RFC4: variants seen among roughly 807,000 people sequenced by gnomAD.
The protein encoded by RFC4 is A1 37 kDa subunit.
Under a neutral mutation model 47.6 loss-of-function variants are expected in RFC4, and 38 were observed. The observed-to-expected ratio is 0.80, with a 90% CI of 0.62 to 1.05. The LOEUF (loss-of-function observed/expected upper bound fraction) is 1.05. Among genes scored for constraint, RFC4 ranks in the 50% least tolerant of loss-of-function variants. RFC4 has a pLI of 0.00. For synonymous variants in RFC4, 164 were observed against 150.0 expected, an observed-to-expected ratio of 1.09 and a Z score of -0.68; for missense variants, 489 against 434.0, an observed-to-expected ratio of 1.13 and a Z score of -1.13.
intron 3 of RFC4, among the ~76,000 whole-genome samples, chr3:186,799,184 C>G (rs73886089): frequency 6.6e-6 from 1 of 152,040 alleles, no homozygotes; most frequent in South Asian, 2.1e-4. Context: ...AATTATTAAA[C>G]CTTAATTATA....
chr3:186,797,591 T>C lies in RFC4; in HGVS notation c.234A>G (p.Gly78=). The C allele has an allele frequency of 1.2e-6, 2 of 1,610,580 alleles. No homozygotes were observed. Among genetic ancestry groups the C allele is most frequent in the Middle Eastern group, 1.7e-4 (1 of 6,044 alleles). ...GADLPNLLFY[G]PPGTGKTSTI... is the part of the protein sequence containing the mutation. ...TGGATGTTTTTCCAGTTCCAGGTGGTCCGTAAAACAAGAGATTAGGAAGCT... is the reference window on the plus strand; with the variant it reads ...TGGATGTTTTTCCAGTTCCAGGTGGCCCGTAAAACAAGAGATTAGGAAGCT... The change falls in exon 4 of 11, where the codon GGA becomes GGG. Residue 78 remains glycine, a synonymous_variant. Transcript: ENST00000296273.
chr3:186,791,095 T>C (rs1194535561), intron 8 of RFC4, among the ~76,000 whole-genome samples: 1 of 152,248 alleles, frequency 6.6e-6, no homozygotes, highest in Non-Finnish European at 1.5e-5. Context: ...AAGTTGGATA[T>C]GCCTTTTGTT....
chr3:186,802,957 G>A (rs1722391684), intron 2 of RFC4, among the ~76,000 whole-genome samples: 1 of 152,090 alleles, frequency 6.6e-6, no homozygotes, highest in Admixed American at 6.5e-5. Context: ...TGCCCCCAGT[G>A]TTGCCTGATC....
At chr3:186,791,399 G>A in intron 8 of RFC4, 1 of 281,612 alleles carries the variant, frequency 3.6e-6, no homozygotes, top group East Asian at 8.2e-5. Context: ...TGAGGCGGGA[G>A]GTGGAGGTTG....
chr3:186,798,294 C>A (rs1722282892), intron 3 of RFC4, among the ~76,000 whole-genome samples: 1 of 152,080 alleles, frequency 6.6e-6, no homozygotes, highest in African/African-American at 2.4e-5. Context: ...AGTTTGGCTC[C>A]TATCAAGCAG....
rs1189134145 is a variant in RFC4, at chr3:186,796,607, G to A, written c.290+928C>T. On this transcript the variant is annotated intron_variant, in intron 4 of 10. Transcript: ENST00000296273. The surrounding 1 kb of genome is among the most constrained non-coding windows in gnomAD (Gnocchi z 4.2). ...TGATTCTCCTGCCTCAGCCTGCCGA[G>A]TAGCTGGGACTACAGGTGCATGCCA... Among the ~76,000 whole-genome samples, 1 of 152,132 alleles carries A rather than the reference G, an allele frequency of 6.6e-6. No homozygotes were observed. The highest frequency in any genetic ancestry group is 1.5e-5 in the Non-Finnish European group (1 of 68,016).
rs1338474960 is a variant in RFC4 at position 186,804,664 on chromosome 3, G to A, written c.50C>T (p.Thr17Ile). 6.2e-7 allele frequency: 1 copy of A among 1,613,934 alleles called. No individual in the cohort carries two copies. Among genetic ancestry groups the A allele is most frequent in the African/African-American group, 1.3e-5 (1 of 74,868 alleles). ...ACTGGCAGCTACTCCTCGATCCTTG[G>A]TCAGCGGGGGTTTAGTACTGATGGA... Reference protein sequence around the residue: ...GTSISTKPPLTKDRGVAASAG... With the variant: ...GTSISTKPPLIKDRGVAASAG... Residue 17 changes from threonine to isoleucine, a missense_variant, in exon 2 of 11, where the codon ACC (threonine) becomes ATC (isoleucine). Physicochemically the swap from Thr to Ile is moderately conservative, Grantham distance 89 (BLOSUM62 -1). Around this residue, in one of 2 missense-constraint regions of RFC4, gnomAD observed 206 missense variants for 257.8 expected, o/e 0.80. Transcript: ENST00000296273.
chr3:186,791,554 G>C (rs1722136291), intron 8 of RFC4, 171 bp downstream of exon 8: 2 of 659,258 alleles, frequency 3.0e-6, no homozygotes, highest in East Asian at 2.8e-5. Flanking sequence ...AAACTGAAAA[G>C]TCAGTGCTAT....
At position 186,790,414 on chromosome 3, in the gene RFC4, A is replaced by AT. The variant is rs1722074230; in HGVS notation, c.802-9dup. 3 of 1,597,620 alleles carry AT rather than the reference A, an allele frequency of 1.9e-6. No homozygotes were observed. The South Asian group carries it at 3.3e-5, about 18-fold the overall frequency. On this transcript the variant is annotated splice_polypyrimidine_tract_variant and intron_variant, in intron 8 of 10. Coordinates refer to ENST00000296273, the MANE Select transcript of RFC4 (RefSeq NM_002916.5). ...TTTCTCAGCTGGTATTACCTAGGTA[A>AT]TTGAATGTTCGGTATTAAAGATGTT... is the stretch of plus-strand genomic sequence containing the variant.
intron 2 of RFC4, among the ~76,000 whole-genome samples, chr3:186,804,149 C>T (rs577141590): frequency 1.3e-5 from 2 of 152,006 alleles, no homozygotes; most frequent in African/African-American, 2.4e-5. Flanking sequence ...TGCCACTGCA[C>T]GCCAGCCTGG....
At chr3:186,799,477 C>T (rs557798439) in intron 3 of RFC4, among the ~76,000 whole-genome samples, 1 of 152,294 alleles carries the variant, frequency 6.6e-6, no homozygotes, top group African/African-American at 2.4e-5. Flanking sequence ...CATGATGGCT[C>T]ATGCCTGTAA....
At chr3:186,804,783 C>A in intron 1 of RFC4, 59 bp from the exon 2 acceptor site, 1 of 1,539,584 alleles carries the variant, frequency 6.5e-7, no homozygotes, top group Non-Finnish European at 8.9e-7. Context: ...TGCGAATCAG[C>A]ACCATAGGAA....
intron 3 of RFC4, 64 bp from the exon 4 acceptor site, chr3:186,797,678 TC>T: frequency 8.7e-7 from 1 of 1,151,186 alleles, no homozygotes; most frequent in Non-Finnish European, 1.3e-6. Context: ...AAAAGGAAGA[TC>T]GAAAAAAATG....
intron 4 of RFC4, among the ~76,000 whole-genome samples, chr3:186,797,291 G>A (rs973506841): frequency 3.9e-5 from 6 of 152,110 alleles, no homozygotes; most frequent in Non-Finnish European, 8.8e-5. Flanking sequence ...GAAAGTGATG[G>A]AAAAAATCAT....
Position 186,790,403 on chromosome 3 carries a change from T to A in RFC4, c.805A>T (p.Ile269Leu). The stretch of plus-strand genomic sequence containing the variant: ...ACTCCATCAATTTTCTCAGCTGGTA[T>A]TACCTAGGTAATTGAATGTTCGGTA... ...EKVITDIAGVIPAEKIDGVFA... is the reference protein window; with the variant it reads ...EKVITDIAGVLPAEKIDGVFA... The change falls in exon 9 of 11, where the codon ATA becomes TTA. Residue 269 changes from isoleucine to leucine, a missense_variant. Physicochemically the swap from Ile to Leu is conservative, Grantham distance 5. This residue lies in a region of RFC4 where 283 missense variants were observed against 176.2 expected (regional missense o/e 1.61). Transcript: ENST00000296273. 1 of 1,608,188 alleles carries A rather than the reference T, an allele frequency of 6.2e-7. No individual in the cohort carries two copies. Among genetic ancestry groups the A allele is most frequent in the South Asian group, 1.1e-5 (1 of 90,938 alleles).
chr3:186,794,924 A>C, intron 4 of RFC4, 147 bp from the exon 5 acceptor site: 1 of 815,558 alleles, frequency 1.2e-6, no homozygotes, highest in Non-Finnish European at 1.9e-6. Flanking sequence ...TTCTCGCTTC[A>C]GCAGAGTGCT....
At chr3:186,806,187 G>A (rs991541024) in intron 1 of RFC4, 103 bp downstream of exon 1, 1 of 152,262 alleles carries the variant, frequency 6.6e-6, no homozygotes, top group Non-Finnish European at 1.5e-5. Flanking sequence ...GCATGAAAGG[G>A]CCACTAGGCT....
Position 186,789,968 on chromosome 3 carries a change from G to A in RFC4, c.*1C>T, listed in dbSNP as rs1047148. The A allele has an allele frequency of 0.12, 196,152 of 1,583,098 alleles. 13,244 individuals carry two copies. Among genetic ancestry groups the A allele is most frequent in the Middle Eastern group, 0.17 (1,006 of 5,998 alleles). ...AAACCCCCCATCCAGATATATTCAC[G>A]TTAACAATTCTGAGATAACTGCTGC... On this transcript the variant is annotated 3_prime_UTR_variant, in exon 11 of 11. Transcript: ENST00000296273.
chr3:186,799,950 C>CTTAT (rs538864662), intron 3 of RFC4, among the ~76,000 whole-genome samples: 3 of 151,746 alleles, frequency 2.0e-5, no homozygotes, highest in Non-Finnish European at 4.4e-5. Flanking sequence ...TTTTTTATTA[C>CTTAT]TTATTTATTT....
Sources: allele counts gnomAD v4.1 joint callset (sites outside exome capture counted in the v4.1 genomes callset), GRCh38; gene constraint gnomAD v4.1.1; regional missense constraint gnomAD v4.1.1; non-coding constraint Gnocchi (gnomAD v3.1); transcripts MANE v1.5; gene names NCBI Gene and HGNC (gene_info 2026-07-23, HGNC 2026-07-21).